Variants in NACC2 observed in about 807,000 individuals in gnomAD.
NACC2 encodes the protein nucleus accumbens-associated protein 2.
Under a neutral mutation model 25.1 loss-of-function variants are expected in NACC2, and 8 were observed. The observed-to-expected ratio is 0.32, with a 90% CI of 0.19 to 0.57. The LOEUF is 0.57. Ranked by LOEUF, NACC2 falls within the 20% of genes least tolerant of loss-of-function variation. The pLI is 0.89. For missense variants in NACC2, 644 were observed against 650.2 expected, an observed-to-expected ratio of 0.99 and a Z score of 0.10; for synonymous variants, 435 against 294.7, an observed-to-expected ratio of 1.48 and a Z score of -4.88.
intron 2 of NACC2, among the ~76,000 whole-genome samples, chr9:136,033,940 T>A (rs4842081): frequency 0.34 from 49,062 of 144,660 alleles, 9,015 homozygotes; most frequent in Non-Finnish European, 0.43. Context: ...TGTGTGTGTG[T>A]GAGATATTTG....
chr9:136,025,724 C>T (rs1211843653), intron 2 of NACC2, among the ~76,000 whole-genome samples: 1 of 150,790 alleles, frequency 6.6e-6, no homozygotes, highest in Non-Finnish European at 1.5e-5. Flanking sequence ...GACAGCCTGG[C>T]CAAAACGGCA....
At chr9:136,028,950 G>A (rs7040209) in intron 2 of NACC2, among the ~76,000 whole-genome samples, 76,262 of 152,102 alleles carry the variant, frequency 0.5, 20,067 homozygotes, top group African/African-American at 0.66. Flanking sequence ...GTTGGGCACC[G>A]TCGAGCACAA....
At position 136,055,890 on chromosome 9, in the gene NACC2, T is replaced by G. The variant is rs1840917280; in HGVS notation, c.-59-5310A>C. On this transcript the variant is annotated intron_variant, in intron 1 of 5. Coordinates refer to ENST00000277554, the MANE Select transcript of NACC2 (RefSeq NM_144653.5). This position sits in a 1 kb window ranked among gnomAD's most constrained non-coding sequence, Gnocchi z 4.9. ...GTCAATCGAAGGCGCTCCTGGAGCG[T>G]GAGAAGGTGTGGGGATGGGGCGGGC... 6.6e-6 allele frequency among the ~76,000 whole-genome samples: 1 copy of G among 151,978 alleles called. No individual in the cohort carries two copies. The highest frequency in any genetic ancestry group is 2.4e-5 in the African/African-American group (1 of 41,350).
At chr9:136,037,377 C>T (rs1013510887) in intron 2 of NACC2, among the ~76,000 whole-genome samples, 1 of 152,004 alleles carries the variant, frequency 6.6e-6, no homozygotes, top group African/African-American at 2.4e-5. Flanking sequence ...GCACACACCA[C>T]ACCTGGTTAA....
At chr9:136,038,922 C>A (rs922089986) in intron 2 of NACC2, among the ~76,000 whole-genome samples, 57 of 152,210 alleles carry the variant, frequency 3.7e-4, no homozygotes, top group African/African-American at 1.3e-3. Context: ...GAGAAACATG[C>A]AGGGAAGGAG....
intron 2 of NACC2, among the ~76,000 whole-genome samples, chr9:136,024,801 A>G (rs1455522461): frequency 1.3e-5 from 2 of 152,194 alleles, no homozygotes; most frequent in African/African-American, 4.8e-5. Flanking sequence ...AAGACCAACT[A>G]CAACCCTGAG....
In NACC2 at chr9:136,007,646, GT is replaced by G. The variant is rs1410365945; in HGVS notation, c.*3869del. The G allele has an allele frequency of 6.6e-6, 1 of 152,306 alleles. No homozygotes were observed. Among genetic ancestry groups the G allele is most frequent in the Non-Finnish European group, 1.5e-5 (1 of 68,072 alleles). The allele number at this position is 152,306 out of a possible 1,614,324, so 9.4% of individuals were successfully genotyped here. A position where few individuals can be genotyped will look rare whatever the true frequency, so the allele number is the denominator to read the frequency against. On this transcript the variant is annotated 3_prime_UTR_variant, in exon 6 of 6. Transcript: ENST00000277554. ...GCAGCAGCAACATTCTGAAACAGTAGTTACAGCTGAGGACAGCTACGAGCTC... is the reference window on the plus strand; with the variant it reads ...GCAGCAGCAACATTCTGAAACAGTAGTACAGCTGAGGACAGCTACGAGCTC...
At chr9:136,053,928 T>A (rs1840885993) in intron 1 of NACC2, among the ~76,000 whole-genome samples, 1 of 152,212 alleles carries the variant, frequency 6.6e-6, no homozygotes, top group African/African-American at 2.4e-5. Flanking sequence ...AGCCTGTCCC[T>A]TCCAGCAGCA....
chr9:136,074,594 A>G (rs572186463), intron 1 of NACC2, among the ~76,000 whole-genome samples: 1 of 151,998 alleles, frequency 6.6e-6, no homozygotes, highest in East Asian at 1.9e-4. Flanking sequence ...CGGACAGGTC[A>G]AAACCATTCC....
chr9:136,045,244 T>G (rs1412993379), intron 2 of NACC2, among the ~76,000 whole-genome samples: 1 of 149,996 alleles, frequency 6.7e-6, no homozygotes, highest in Non-Finnish European at 1.5e-5. Context: ...CCCAGAGAGG[T>G]GGGGGTGGAG....
chr9:136,091,099 A>C (rs1033107832), intron 1 of NACC2, among the ~76,000 whole-genome samples: 10 of 152,144 alleles, frequency 6.6e-5, no homozygotes, highest in Non-Finnish European at 1.5e-4. Context: ...CCCTGCAAAC[A>C]ACCTCTGGAG....
intron 2 of NACC2, among the ~76,000 whole-genome samples, chr9:136,048,795 G>A (rs1840768152): frequency 6.6e-6 from 1 of 152,250 alleles, no homozygotes; most frequent in East Asian, 1.9e-4. Context: ...AGGAGGGGAA[G>A]GGCAGGGGGG....
rs1037798683 is a variant in NACC2 at position 136,010,587 on chromosome 9, A to C, written c.*929T>G. ...GGGGACAGGGACACCCATCCCACCC[A>C]AAGTTTTTGTTCTATTGAGTCTGAA... On this transcript the variant is annotated 3_prime_UTR_variant, in exon 6 of 6. Coordinates refer to ENST00000277554, the MANE Select transcript of NACC2 (RefSeq NM_144653.5). This position sits in a 1 kb window ranked among gnomAD's most constrained non-coding sequence, Gnocchi z 4.9. The C allele has an allele frequency of 2.0e-5, 3 of 152,236 alleles. No individual in the cohort carries two copies. The highest frequency in any genetic ancestry group is 6.5e-5 in the Admixed American group (1 of 15,286). 9.4% of individuals were successfully genotyped at this position (152,236 alleles called of 1,614,324 possible).
At chr9:136,023,064 G>GAAGGAGGAGA in intron 2 of NACC2, among the ~76,000 whole-genome samples, 1 of 4,246 alleles carries the variant, frequency 2.4e-4, no homozygotes, top group African/African-American at 8.3e-4. Context: ...GAGGAAGGAG[G>GAAGGAGGAGA]GAAGAGGGAG....
At chr9:136,059,215 G>A (rs866822075) in intron 1 of NACC2, among the ~76,000 whole-genome samples, 6 of 152,184 alleles carry the variant, frequency 3.9e-5, no homozygotes, top group South Asian at 2.1e-4. Flanking sequence ...GCCATTCCCC[G>A]GGACTAGGGA....
Position 136,086,442 on chromosome 9 carries a change from T to C in NACC2, c.-60+8747A>G, listed in dbSNP as rs1830379524. On this transcript the variant is annotated intron_variant, in intron 1 of 5. Coordinates refer to ENST00000277554, the MANE Select transcript of NACC2 (RefSeq NM_144653.5). The surrounding 1 kb of genome is among the most constrained non-coding windows in gnomAD (Gnocchi z 5.6). Reference sequence around the variant, plus strand: ...CGGGCCTGGCTCTTGAGGTCCCAGGTCTGCGAGCGGCTGGGCTTCCCTGAG... The same window carrying C: ...CGGGCCTGGCTCTTGAGGTCCCAGGCCTGCGAGCGGCTGGGCTTCCCTGAG... 6.6e-6 allele frequency among the ~76,000 whole-genome samples: 1 copy of C among 152,016 alleles called. No individual in the cohort carries two copies. Among genetic ancestry groups the C allele is most frequent in the African/African-American group, 2.4e-5 (1 of 41,380 alleles).
chr9:136,087,673 C>T (rs909473507), intron 1 of NACC2, among the ~76,000 whole-genome samples: 1 of 152,208 alleles, frequency 6.6e-6, no homozygotes, highest in Non-Finnish European at 1.5e-5. Context: ...AAACTGAGAC[C>T]CAGGGAGGCC....
intron 1 of NACC2, among the ~76,000 whole-genome samples, chr9:136,094,592 GCCGGACC>G (rs954180637): frequency 9.9e-5 from 15 of 152,274 alleles, no homozygotes; most frequent in African/African-American, 3.6e-4. Context: ...TCCCCCTGCG[GCCGGACC>G]CCAGTTTCTC....
chr9:136,085,122 G>C, intron 1 of NACC2, among the ~76,000 whole-genome samples: 1 of 139,618 alleles, frequency 7.2e-6, no homozygotes, highest in East Asian at 2.2e-4. Context: ...AACATAGGAA[G>C]ACTCCATTTC....
Sources: allele counts gnomAD v4.1 joint callset (sites outside exome capture counted in the v4.1 genomes callset), GRCh38; gene constraint gnomAD v4.1.1; non-coding constraint Gnocchi (gnomAD v3.1); transcripts MANE v1.5; gene names NCBI Gene and HGNC (gene_info 2026-07-23, HGNC 2026-07-21).